RALYL: variants seen among roughly 807,000 people sequenced by gnomAD.
RALYL encodes the protein RNA-binding Raly-like protein.
A neutral mutation model predicts 35.1 loss-of-function variants in RALYL; 29 were observed. That is an observed-to-expected ratio of 0.83 (90% CI 0.61 to 1.13). The LOEUF is 1.13. RALYL is among the 50% of genes most tolerant of loss of function. The probability of loss-of-function intolerance (pLI) is 0.00; values close to 1 mark genes in which losing one functional copy is unlikely to be tolerated. For synonymous variants in RALYL, 120 were observed against 127.6 expected, an observed-to-expected ratio of 0.94 and a Z score of 0.40; for missense variants, 359 against 360.4, an observed-to-expected ratio of 1.00 and a Z score of 0.03.
intron 1 of RALYL, among the ~76,000 whole-genome samples, chr8:84,317,714 T>C (rs190174425): frequency 1.8e-4 from 27 of 152,278 alleles, no homozygotes; most frequent in African/African-American, 5.3e-4. Flanking sequence ...GTATATTCTG[T>C]AAGCAACTAT....
At chr8:84,655,668 A>C (rs1417176379) in intron 2 of RALYL, among the ~76,000 whole-genome samples, 3 of 151,798 alleles carry the variant, frequency 2.0e-5, no homozygotes, top group African/African-American at 7.3e-5. Flanking sequence ...TGAGCTCCTT[A>C]TATTCTGATG....
At chr8:84,829,763 C>G (rs1830485473) in intron 4 of RALYL, among the ~76,000 whole-genome samples, 1 of 152,156 alleles carries the variant, frequency 6.6e-6, no homozygotes, top group African/African-American at 2.4e-5. Context: ...ACCATTGCTC[C>G]TAGCGGAAAT....
intron 8 of RALYL, among the ~76,000 whole-genome samples, chr8:84,899,863 A>G (rs575520070): frequency 3.9e-4 from 60 of 152,296 alleles, no homozygotes; most frequent in African/African-American, 1.4e-3. Context: ...CTGATCTACA[A>G]TTTTTAAAGC....
At chr8:84,475,382 G>T (rs1376848161) in intron 1 of RALYL, among the ~76,000 whole-genome samples, 1 of 151,888 alleles carries the variant, frequency 6.6e-6, no homozygotes, top group Non-Finnish European at 1.5e-5. Context: ...ACCATGCCCA[G>T]TTAATTTTTT....
At chr8:84,480,729 G>C (rs1487854071) in intron 1 of RALYL, among the ~76,000 whole-genome samples, 1 of 152,128 alleles carries the variant, frequency 6.6e-6, no homozygotes, top group African/African-American at 2.4e-5. Flanking sequence ...CTAGTAGAAA[G>C]TAGAAGGACT....
intron 2 of RALYL, among the ~76,000 whole-genome samples, chr8:84,541,069 G>T (rs1319936197): frequency 6.0e-5 from 9 of 150,686 alleles, no homozygotes; most frequent in Admixed American, 6.0e-4. Context: ...ATGGCTTTGT[G>T]TATTTTCTCT....
chr8:84,801,329 C>T (rs1365975118), intron 3 of RALYL, among the ~76,000 whole-genome samples: 1 of 152,142 alleles, frequency 6.6e-6, no homozygotes, highest in Non-Finnish European at 1.5e-5. Flanking sequence ...CAGCTCAGTT[C>T]ATGAACCATC....
rs1345565569 is a variant in RALYL, at chr8:84,638,867, CATAAATATATATATATATATATATATAT to C, written c.256+109294_256+109321del. ...CAGAAATACGAGTATCTAATGCACGCATAAATATATATATATATATATATATATATATATATATATATATATATATATA... is the reference window on the plus strand; with the variant it reads ...CAGAAATACGAGTATCTAATGCACGCATATATATATATATATATATATATA... On this transcript the variant is annotated intron_variant, in intron 2 of 8. Coordinates refer to ENST00000521268, the MANE Select transcript of RALYL (RefSeq NM_173848.7). Among the ~76,000 whole-genome samples the C allele has an allele frequency of 1.6e-3, 163 of 102,126 alleles. 4 individuals carry two copies. Among genetic ancestry groups the C allele is most frequent in the African/African-American group, 7.0e-3 (147 of 21,112 alleles). 67.0% of individuals were successfully genotyped at this position (102,126 alleles called of 152,430 possible).
intron 3 of RALYL, among the ~76,000 whole-genome samples, chr8:84,777,805 C>A (rs1024779041): frequency 6.6e-6 from 1 of 151,966 alleles, no homozygotes; most frequent in Non-Finnish European, 1.5e-5. Flanking sequence ...CCACACCTGG[C>A]TAATTTTTTG....
intron 2 of RALYL, among the ~76,000 whole-genome samples, chr8:84,668,538 A>C (rs998383914): frequency 1.3e-5 from 2 of 152,176 alleles, no homozygotes; most frequent in African/African-American, 4.8e-5. Flanking sequence ...TTCCAACATT[A>C]TGCTGAGAAG....
At chr8:84,257,942 A>T (rs879397247) in intron 1 of RALYL, among the ~76,000 whole-genome samples, 3 of 152,210 alleles carry the variant, frequency 2.0e-5, no homozygotes, top group Non-Finnish European at 4.4e-5. Context: ...AGCAAGTTGG[A>T]TAGTAACAGG....
chr8:84,379,782 TTGAG>T (rs1212844158), intron 1 of RALYL, among the ~76,000 whole-genome samples: 1 of 151,568 alleles, frequency 6.6e-6, no homozygotes, highest in Non-Finnish European at 1.5e-5. Context: ...CGGGCAGGAA[TTGAG>T]TGAGAAAAAA....
chr8:84,688,809 A>G (rs1837382041), intron 2 of RALYL, among the ~76,000 whole-genome samples: 1 of 152,118 alleles, frequency 6.6e-6, no homozygotes, highest in Admixed American at 6.6e-5. Flanking sequence ...GGGAGAAAAT[A>G]TTTGCAAACA....
At chr8:84,565,334 G>T (rs78784107) in intron 2 of RALYL, among the ~76,000 whole-genome samples, 4,182 of 151,406 alleles carry the variant, frequency 0.028, 201 homozygotes, top group African/African-American at 0.095. Context: ...AAATATCTTG[G>T]CAAATCAAGA....
At chr8:84,311,093 G>GAAAAA (rs1354856646) in intron 1 of RALYL, among the ~76,000 whole-genome samples, 1 of 77,218 alleles carries the variant, frequency 1.3e-5, no homozygotes, top group Admixed American at 1.5e-4. Context: ...AAAAAAAAAT[G>GAAAAA]TATATTAATG....
intron 1 of RALYL, among the ~76,000 whole-genome samples, chr8:84,411,638 A>C (rs2044112534): frequency 6.6e-6 from 1 of 151,560 alleles, no homozygotes; most frequent in Non-Finnish European, 1.5e-5. Context: ...AGCACTTAAC[A>C]AAATATCAGG....
rs373503135 is a variant in RALYL at position 84,447,828 on chromosome 8, C to T, written c.-23-81471C>T. ...CTGAACTTGCAGTTATGTGTTTGTTCATTAAAGAAAATCTATGGTTCACCT... is the reference window on the plus strand; with the variant it reads ...CTGAACTTGCAGTTATGTGTTTGTTTATTAAAGAAAATCTATGGTTCACCT... On this transcript the variant is annotated intron_variant, in intron 1 of 8. Coordinates refer to ENST00000521268, the MANE Select transcript of RALYL (RefSeq NM_173848.7). Among the ~76,000 whole-genome samples, 21 of 152,006 alleles carry T rather than the reference C, an allele frequency of 1.4e-4. 2 individuals are homozygous for T. The South Asian group carries it at 3.7e-3, about 27-fold the overall frequency.
In RALYL at chr8:84,426,691, A is replaced by C. The variant is rs541772290; in HGVS notation, c.-23-102608A>C. On this transcript the variant is annotated intron_variant, in intron 1 of 8. Coordinates refer to ENST00000521268, the MANE Select transcript of RALYL (RefSeq NM_173848.7). Reference sequence around the variant, plus strand: ...ACATTTTTTCAAAAGAAGACATTGAAAATGGCCAACAGATTAATGAGCACC... The same window carrying C: ...ACATTTTTTCAAAAGAAGACATTGACAATGGCCAACAGATTAATGAGCACC... Among the ~76,000 whole-genome samples the C allele has an allele frequency of 3.3e-5, 5 of 152,292 alleles. No homozygotes were observed. The South Asian group carries it at 6.2e-4, about 19-fold the overall frequency.
At chr8:84,427,834 C>T (rs2046669582) in intron 1 of RALYL, among the ~76,000 whole-genome samples, 1 of 152,180 alleles carries the variant, frequency 6.6e-6, no homozygotes, top group Admixed American at 6.5e-5. Context: ...TTATCTCTCT[C>T]TCCCCTCCTC....
Sources: gnomAD v4.1 joint callset for allele counts (sites outside exome capture counted in the v4.1 genomes callset) on GRCh38, gnomAD v4.1.1 for gene constraint, MANE v1.5 for transcripts, NCBI Gene and HGNC (gene_info 2026-07-23, HGNC 2026-07-21) for gene names.